OR1L8: variants seen among roughly 807,000 people sequenced by gnomAD.
OR1L8 encodes the protein olfactory receptor 1L8.
For missense variants in OR1L8, 330 were observed against 377.4 expected, an observed-to-expected ratio of 0.87 and a Z score of 1.04; for synonymous variants, 148 against 147.0, an observed-to-expected ratio of 1.01 and a Z score of -0.05.
the OR1L8 span, among the ~76,000 whole-genome samples, chr9:122,549,356 A>G: frequency 6.6e-6 from 1 of 152,196 alleles, no homozygotes; most frequent in Non-Finnish European, 1.5e-5. Flanking sequence ...TACAGCCTGC[A>G]GAACCATGGG....
chr9:122,550,779 C>A, the OR1L8 span, among the ~76,000 whole-genome samples: 1 of 151,736 alleles, frequency 6.6e-6, no homozygotes, highest in African/African-American at 2.4e-5. Context: ...TGTGACAAAC[C>A]CATAGCCAGC....
chr9:122,564,505 G>A (rs1829400262), downstream of OR1L8, among the ~76,000 whole-genome samples: 1 of 152,186 alleles, frequency 6.6e-6, no homozygotes, highest in Non-Finnish European at 1.5e-5. Flanking sequence ...TGGAGAAATT[G>A]CAGAGATTCG....
downstream of OR1L8, among the ~76,000 whole-genome samples, chr9:122,562,651 C>A (rs1349249065): frequency 1.3e-5 from 2 of 152,182 alleles, no homozygotes; most frequent in Non-Finnish European, 2.9e-5. Context: ...ACTGCCTAGT[C>A]AGTCCTGGTG....
chr9:122,558,051 AT>A, the OR1L8 span, among the ~76,000 whole-genome samples: 6 of 151,558 alleles, frequency 4.0e-5, no homozygotes, highest in South Asian at 2.1e-4. Flanking sequence ...ATTTGTAGTG[AT>A]TTTTTTATTC....
intron 1 of OR1L8, among the ~76,000 whole-genome samples, chr9:122,582,940 TTAAA>T (rs1346863003): frequency 7.9e-5 from 12 of 151,656 alleles, no homozygotes; most frequent in African/African-American, 2.9e-4. Context: ...CAAAAGAGAA[TTAAA>T]TAAAAAATAG....
chr9:122,553,205 A>G, the OR1L8 span: 3 of 1,613,248 alleles, frequency 1.9e-6, no homozygotes, highest in Non-Finnish European at 2.5e-6. Flanking sequence ...CACACGAACT[A>G]CAAGGGATGG....
chr9:122,561,976 C>G, the OR1L8 span, among the ~76,000 whole-genome samples: 3 of 152,164 alleles, frequency 2.0e-5, no homozygotes, highest in African/African-American at 7.2e-5. Flanking sequence ...ACTATGGCCA[C>G]CCCTTCTACT....
chr9:122,557,493 T>A, the OR1L8 span, among the ~76,000 whole-genome samples: 2 of 152,096 alleles, frequency 1.3e-5, no homozygotes, highest in African/African-American at 4.8e-5. Context: ...AGTCTATTGA[T>A]GTGATCAACT....
the OR1L8 span, among the ~76,000 whole-genome samples, chr9:122,555,573 A>G: frequency 6.6e-6 from 1 of 152,194 alleles, no homozygotes; most frequent in East Asian, 1.9e-4. Flanking sequence ...CCAGTCACCC[A>G]GCTACACCAT....
chr9:122,566,424 T>C (rs75097197), downstream of OR1L8, among the ~76,000 whole-genome samples: 41,401 of 152,030 alleles, frequency 0.27, 5,829 homozygotes, highest in Middle Eastern at 0.34. Flanking sequence ...GCTACACACA[T>C]ATGTACATTC....
chr9:122,555,567 T>C, the OR1L8 span, among the ~76,000 whole-genome samples: 21 of 152,148 alleles, frequency 1.4e-4, no homozygotes, highest in East Asian at 4.0e-3. Context: ...TGCCCTCCAG[T>C]CACCCAGCTA....
chr9:122,560,646 A>T, the OR1L8 span, among the ~76,000 whole-genome samples: 1 of 152,168 alleles, frequency 6.6e-6, no homozygotes, highest in Non-Finnish European at 1.5e-5. Flanking sequence ...AGAATGTTGA[A>T]TATTGACCCC....
chr9:122,556,798 G>A, the OR1L8 span, among the ~76,000 whole-genome samples: 1 of 152,126 alleles, frequency 6.6e-6, no homozygotes, highest in East Asian at 1.9e-4. Flanking sequence ...TAACTTGCTG[G>A]GGTTTTGATT....
Position 122,572,818 on chromosome 9 carries a change from C to G in OR1L8, c.-251G>C, listed in dbSNP as rs940113221. 2.6e-5 allele frequency: 4 copies of G among 152,196 alleles called. No homozygotes were observed. The highest frequency in any genetic ancestry group is 9.6e-5 in the African/African-American group (4 of 41,452). The allele number at this position is 152,196 out of a possible 1,614,324, so 9.4% of individuals were successfully genotyped here. A position where few individuals can be genotyped will look rare whatever the true frequency, so the allele number is the denominator to read the frequency against. ...GTTTTTCCTTTGCTTCCATGTGTCT[C>G]AAGAAGTGGATCTTCTGCACATCTG... On this transcript the variant is annotated 5_prime_UTR_variant, in exon 4 of 5. The change abolishes the stop of an existing upstream ORF in the 5' untranslated region. Transcript: ENST00000641027.
At chr9:122,557,925 A>G in the OR1L8 span, among the ~76,000 whole-genome samples, 1 of 151,896 alleles carries the variant, frequency 6.6e-6, no homozygotes, top group East Asian at 1.9e-4. Context: ...TTCTTCTTGT[A>G]TGGGTTTTAG....
At chr9:122,557,880 A>T in the OR1L8 span, among the ~76,000 whole-genome samples, 6 of 152,130 alleles carry the variant, frequency 3.9e-5, no homozygotes, top group South Asian at 1.0e-3. Flanking sequence ...TATTGAGTTA[A>T]TTTCTTTAAT....
In OR1L8 at chr9:122,572,792, C is replaced by T. The variant is rs35613435; in HGVS notation, c.-225G>A. On this transcript the variant is annotated 5_prime_UTR_variant, in exon 4 of 5. Transcript: ENST00000641027. ...CACTGAAGCTCACCTCTGTATCCAG[C>T]GTTTTTCCTTTGCTTCCATGTGTCT... The T allele has an allele frequency of 7.9e-5, 12 of 152,228 alleles. No individual in the cohort carries two copies. The highest frequency in any genetic ancestry group is 5.9e-4 in the Admixed American group (9 of 15,296). The allele number at this position is 152,228 out of a possible 1,614,324, so 9.4% of individuals were successfully genotyped here.
the OR1L8 span, chr9:122,554,129 AC>A: frequency 6.2e-7 from 1 of 1,612,262 alleles, no homozygotes; most frequent in Non-Finnish European, 8.5e-7. Context: ...CTTTGGGTAA[AC>A]TTTTTGTCAG....
chr9:122,551,799 C>T, the OR1L8 span, among the ~76,000 whole-genome samples: 1 of 152,054 alleles, frequency 6.6e-6, no homozygotes, highest in Admixed American at 6.6e-5. Flanking sequence ...GCCTTTATAA[C>T]CTTAAGAGAT....
Sources: gnomAD v4.1 joint callset for allele counts (sites outside exome capture counted in the v4.1 genomes callset) on GRCh38, gnomAD v4.1.1 for gene constraint, MANE v1.5 for transcripts, NCBI Gene and HGNC (gene_info 2026-07-23, HGNC 2026-07-21) for gene names.